Variants in PTPRA observed in about 807,000 individuals in gnomAD.
The protein encoded by PTPRA is protein tyrosine phosphatase receptor type A.
In PTPRA, 25 loss-of-function variants were observed where a neutral mutation model predicts 104.8. The ratio of observed to expected loss-of-function variants is 0.24; its 90% CI spans 0.17 to 0.33. The LOEUF is 0.33. PTPRA is among the 10% of genes least tolerant of loss of function. The probability of loss-of-function intolerance (pLI) is 1.00; values close to 1 mark genes in which losing one functional copy is unlikely to be tolerated. For missense variants in PTPRA, 765 were observed against 1,015.3 expected (o/e 0.75, Z 3.35); for synonymous variants, 323 against 368.9 (o/e 0.88, Z 1.43).
At chr20:2,942,162 A>T (rs2060946298) in intron 2 of PTPRA, among the ~76,000 whole-genome samples, 1 of 152,196 alleles carries the variant, frequency 6.6e-6, no homozygotes. Flanking sequence ...CAGGCTTATC[A>T]TATGGCTTTT....
intron 1 of PTPRA, among the ~76,000 whole-genome samples, chr20:2,917,828 G>A (rs529214812): frequency 3.3e-5 from 5 of 151,926 alleles, no homozygotes; most frequent in Admixed American, 2.0e-4. Context: ...ACTTTAGGGC[G>A]CAGTGTAATC....
At chr20:2,951,092 G>C (rs6138961) in intron 3 of PTPRA, among the ~76,000 whole-genome samples, 7,494 of 151,402 alleles carry the variant, frequency 0.049, 391 homozygotes, top group Admixed American at 0.11. Flanking sequence ...TTGTTTGTTT[G>C]TTTCTTTCTT....
At chr20:2,943,933 A>C (rs1353945601) in intron 2 of PTPRA, among the ~76,000 whole-genome samples, 1 of 152,178 alleles carries the variant, frequency 6.6e-6, no homozygotes, top group Non-Finnish European at 1.5e-5. Context: ...GCTGCCTAGC[A>C]AAACATCCCC....
intron 1 of PTPRA, among the ~76,000 whole-genome samples, chr20:2,918,863 G>A (rs2060002627): frequency 6.6e-6 from 1 of 152,048 alleles, no homozygotes; most frequent in Non-Finnish European, 1.5e-5. Context: ...CCATGTACCA[G>A]TTGTTTGTGG....
At chr20:2,893,106 T>C (rs555074638) in intron 1 of PTPRA, among the ~76,000 whole-genome samples, 5 of 152,370 alleles carry the variant, frequency 3.3e-5, no homozygotes, top group African/African-American at 1.2e-4. Flanking sequence ...ATGTCAAAGT[T>C]GTATTAGTTT....
chr20:2,912,389 C>T (rs2094456532), intron 1 of PTPRA, among the ~76,000 whole-genome samples: 1 of 151,794 alleles, frequency 6.6e-6, no homozygotes, highest in East Asian at 1.9e-4. Context: ...TTTGGGAGGC[C>T]GAGGCAAGTG....
At chr20:2,871,557 A>C (rs949426507), upstream of PTPRA, among the ~76,000 whole-genome samples, 2 of 152,238 alleles carry the variant, frequency 1.3e-5, no homozygotes, top group African/African-American at 4.8e-5. Flanking sequence ...AAGAAATAAT[A>C]GTGTAAATTA....
intron 6 of PTPRA, among the ~76,000 whole-genome samples, chr20:2,985,994 C>T (rs1268040889): frequency 1.3e-5 from 2 of 152,078 alleles, no homozygotes; most frequent in African/African-American, 4.8e-5. Flanking sequence ...CTGTAATCTC[C>T]ATCTCCTAAG....
rs2148538138 is a variant in PTPRA, at chr20:3,037,395, A to G, written c.2334+106A>G. On this transcript the variant is annotated intron_variant, in intron 23 of 23. Transcript: ENST00000399903. The surrounding 1 kb of genome is among the most constrained non-coding windows in gnomAD (Gnocchi z 4.3). ...ACCCAGTAGTCAGAAGACTGTCTAAACACAGACCTGCCCTTGCCCTCCCAA... is the reference window on the plus strand; with the variant it reads ...ACCCAGTAGTCAGAAGACTGTCTAAGCACAGACCTGCCCTTGCCCTCCCAA... The G allele has an allele frequency of 2.0e-6, 3 of 1,511,616 alleles. No individual in the cohort carries two copies. In the East Asian group the frequency reaches 6.8e-5, roughly 34 times the overall value. 93.6% of individuals were successfully genotyped at this position (1,511,616 alleles called of 1,614,324 possible).
chr20:3,027,642 G>C lies in PTPRA; in HGVS notation c.1786-65G>C, dbSNP rs150335331. 1,028 of 1,568,984 alleles carry C rather than the reference G, an allele frequency of 6.6e-4. 7 individuals carry two copies. The African/African-American group carries it at 0.012, about 18-fold the overall frequency. On this transcript the variant is annotated intron_variant, in intron 19 of 23. Transcript: ENST00000399903. ...AGTCCCCATTCCCTTCTAGTGGTCT[G>C]TCTTCTCCACTAGTCCCTCTGTGAT...
chr20:2,989,853 TA>T lies in PTPRA; in HGVS notation c.738+1384del, dbSNP rs1197937969. Among the ~76,000 whole-genome samples, 5 of 151,914 alleles carry T rather than the reference TA, an allele frequency of 3.3e-5. No homozygotes were observed. In the East Asian group the frequency reaches 5.8e-4, roughly 18 times the overall value. On this transcript the variant is annotated intron_variant, in intron 9 of 23. Coordinates refer to ENST00000399903, the MANE Select transcript of PTPRA (RefSeq NM_001385305.1). ...TAACACAGTGAAACCCTGTCTCTACTAAAAATACAAAAAATTAGCTGGGCAT... is the reference window on the plus strand; with the variant it reads ...TAACACAGTGAAACCCTGTCTCTACTAAAATACAAAAAATTAGCTGGGCAT...
intron 9 of PTPRA, among the ~76,000 whole-genome samples, chr20:3,004,180 G>A (rs1402706338): frequency 6.6e-6 from 1 of 152,120 alleles, no homozygotes; most frequent in Non-Finnish European, 1.5e-5. Flanking sequence ...ACCATACCCA[G>A]CTAATTGTTG....
At chr20:2,942,754 G>A (rs1293610477) in intron 2 of PTPRA, among the ~76,000 whole-genome samples, 1 of 150,710 alleles carries the variant, frequency 6.6e-6, no homozygotes, top group Non-Finnish European at 1.5e-5. Context: ...AATATATAAT[G>A]TGGCTACTAC....
chr20:2,954,059 G>A (rs1054327042), intron 3 of PTPRA, among the ~76,000 whole-genome samples: 2 of 148,438 alleles, frequency 1.3e-5, no homozygotes, highest in Admixed American at 6.8e-5. Context: ...ACAGGCATGT[G>A]CCACCATACC....
chr20:2,882,857 G>A (rs533666801), intron 1 of PTPRA, among the ~76,000 whole-genome samples: 73 of 152,144 alleles, frequency 4.8e-4, no homozygotes, highest in Non-Finnish European at 9.6e-4. Context: ...TCTTGTGGTA[G>A]AGTTGTTGAT....
the PTPRA span, chr20:2,866,367 G>A: frequency 2.7e-5 from 44 of 1,614,090 alleles, no homozygotes; most frequent in African/African-American, 4.7e-4. Context: ...GTGGGCTGGT[G>A]AGAGGCAGGG....
At chr20:3,002,389 C>T (rs1445753198) in intron 9 of PTPRA, among the ~76,000 whole-genome samples, 2 of 146,244 alleles carry the variant, frequency 1.4e-5, no homozygotes. Flanking sequence ...TGCAATGGCG[C>T]AGTCTTGGCT....
upstream of PTPRA, among the ~76,000 whole-genome samples, chr20:2,868,690 C>T (rs1280818291): frequency 8.5e-6 from 1 of 117,870 alleles, no homozygotes; most frequent in African/African-American, 3.3e-5. Context: ...GCCCTGGTAG[C>T]TCTTTGATGC....
intron 13 of PTPRA, among the ~76,000 whole-genome samples, chr20:3,019,881 G>A (rs1308164416): frequency 5.3e-5 from 8 of 152,028 alleles, no homozygotes; most frequent in Admixed American, 1.3e-4. Context: ...AGACCAGCCC[G>A]GCCAACACAG....
Sources: allele counts gnomAD v4.1 joint callset (sites outside exome capture counted in the v4.1 genomes callset), GRCh38; gene constraint gnomAD v4.1.1; non-coding constraint Gnocchi (gnomAD v3.1); transcripts MANE v1.5; gene names NCBI Gene and HGNC (gene_info 2026-07-23, HGNC 2026-07-21).